CDH20: variants seen among roughly 807,000 people sequenced by gnomAD.
CDH20 encodes cadherin-20.
In CDH20, 29 loss-of-function variants were observed where a neutral mutation model predicts 74.2. That is an observed-to-expected ratio of 0.39 (90% CI 0.29 to 0.53). The LOEUF (loss-of-function observed/expected upper bound fraction) is 0.53, where lower values mean the gene tolerates loss of function less well. CDH20 is among the 20% of genes least tolerant of loss of function. CDH20 has a pLI of 0.69. For missense variants in CDH20, 988 were observed against 1,048.3 expected, an observed-to-expected ratio of 0.94 and a Z score of 0.79; for synonymous variants, 469 against 405.4, an observed-to-expected ratio of 1.16 and a Z score of -1.88.
intron 11 of CDH20, among the ~76,000 whole-genome samples, chr18:61,553,059 C>T (rs542773594): frequency 1.2e-4 from 18 of 152,230 alleles, no homozygotes; most frequent in Non-Finnish European, 1.9e-4. Context: ...GAAAATATTA[C>T]GTATTAATGT....
rs146597367 is a variant in CDH20 at position 61,426,097 on chromosome 18, T to C, written c.-152-64305T>C. On this transcript the variant is annotated intron_variant, in intron 1 of 11. Transcript: ENST00000262717. ...AACTCATTCATTACCTCTCATAGTT[T>C]TGGGGTTTTTTAATGTTAATTCTTT... Among the ~76,000 whole-genome samples the C allele has an allele frequency of 1.6e-3, 242 of 152,264 alleles. 3 individuals carry two copies. The South Asian group carries it at 0.022, about 14-fold the overall frequency.
At chr18:61,535,451 C>T (rs780246067) in intron 7 of CDH20, among the ~76,000 whole-genome samples, 2 of 152,188 alleles carry the variant, frequency 1.3e-5, no homozygotes, top group Non-Finnish European at 2.9e-5. Context: ...TTAACATCCA[C>T]ATGCCTGAGC....
chr18:61,395,951 CCTCT>C (rs1253936195), intron 1 of CDH20, among the ~76,000 whole-genome samples: 1 of 152,094 alleles, frequency 6.6e-6, no homozygotes, highest in Admixed American at 6.6e-5. Context: ...AAACCATCTC[CCTCT>C]GAGACTGTGC....
At position 61,400,528 on chromosome 18, in the gene CDH20, C is replaced by A. The variant is rs544136190; in HGVS notation, c.-153+66701C>A. Reference sequence around the variant, plus strand: ...AAGGGAGATGGAATGTCTATCAAACCTAGATTTAAAGGAAATCCTGCTACC... The same window carrying A: ...AAGGGAGATGGAATGTCTATCAAACATAGATTTAAAGGAAATCCTGCTACC... On this transcript the variant is annotated intron_variant, in intron 1 of 11. Coordinates refer to ENST00000262717, the MANE Select transcript of CDH20 (RefSeq NM_031891.4). Among the ~76,000 whole-genome samples, 51 of 152,198 alleles carry A rather than the reference C, an allele frequency of 3.4e-4. 1 individual carries two copies. In the South Asian group the frequency reaches 0.01, roughly 31 times the overall value.
At chr18:61,417,451 A>C (rs1038406698) in intron 1 of CDH20, among the ~76,000 whole-genome samples, 3 of 152,056 alleles carry the variant, frequency 2.0e-5, no homozygotes, top group Non-Finnish European at 4.4e-5. Context: ...AATAGTATTC[A>C]GTCATTAAAA....
At chr18:61,517,104 A>G (rs1912027917) in intron 6 of CDH20, among the ~76,000 whole-genome samples, 1 of 152,226 alleles carries the variant, frequency 6.6e-6, no homozygotes, top group African/African-American at 2.4e-5. Flanking sequence ...AAAAAACTCA[A>G]AATGAATCAT....
At chr18:61,532,376 T>C (rs1490909718) in intron 7 of CDH20, among the ~76,000 whole-genome samples, 1 of 151,860 alleles carries the variant, frequency 6.6e-6, no homozygotes, top group African/African-American at 2.4e-5. Flanking sequence ...TAAATGATTC[T>C]GATTTCTCTA....
At chr18:61,351,387 C>T (rs1910300833) in intron 1 of CDH20, among the ~76,000 whole-genome samples, 1 of 152,138 alleles carries the variant, frequency 6.6e-6, no homozygotes, top group East Asian at 1.9e-4. Flanking sequence ...CTTGCCTCTC[C>T]CTGAGCAAGT....
intron 1 of CDH20, among the ~76,000 whole-genome samples, chr18:61,474,158 T>C (rs535714105): frequency 1.3e-5 from 2 of 152,286 alleles, no homozygotes; most frequent in African/African-American, 4.8e-5. Flanking sequence ...CATCACTCTC[T>C]ACCGAAAGAA....
At chr18:61,335,340 G>A (rs1909723155) in intron 1 of CDH20, among the ~76,000 whole-genome samples, 1 of 152,204 alleles carries the variant, frequency 6.6e-6, no homozygotes, top group Non-Finnish European at 1.5e-5. Flanking sequence ...GCTTGACCCT[G>A]TTCAGATGTT....
chr18:61,453,593 A>T (rs2144343289), intron 1 of CDH20, among the ~76,000 whole-genome samples: 1 of 152,194 alleles, frequency 6.6e-6, no homozygotes, highest in East Asian at 1.9e-4. Flanking sequence ...TAACCTTTTC[A>T]TATTTGCTTT....
intron 1 of CDH20, among the ~76,000 whole-genome samples, chr18:61,480,072 T>C (rs1910534144): frequency 6.6e-6 from 1 of 152,058 alleles, no homozygotes; most frequent in African/African-American, 2.4e-5. Flanking sequence ...ATAGTGAGGA[T>C]TGGACTAATG....
chr18:61,533,976 G>C (rs1053442534), intron 7 of CDH20, among the ~76,000 whole-genome samples: 1 of 151,986 alleles, frequency 6.6e-6, no homozygotes, highest in Non-Finnish European at 1.5e-5. Context: ...CTATTTAGTT[G>C]GTTGATGTGT....
rs1425529917 is a variant in CDH20 at position 61,441,366 on chromosome 18, T to A, written c.-152-49036T>A. Among the ~76,000 whole-genome samples the A allele has an allele frequency of 2.0e-5, 3 of 152,176 alleles. No individual in the cohort carries two copies. In the East Asian group the frequency reaches 5.8e-4, roughly 29 times the overall value. The stretch of plus-strand genomic sequence containing the variant: ...TACTTTTTAAATTCCCTCCCTATAT[T>A]CATCTTGTAAAGTACTAAGTGAAAC... On this transcript the variant is annotated intron_variant, in intron 1 of 11. Transcript: ENST00000262717.
chr18:61,520,315 C>CAAAAAAAA (rs58685164), intron 6 of CDH20, among the ~76,000 whole-genome samples: 2 of 122,050 alleles, frequency 1.6e-5, no homozygotes, highest in Admixed American at 9.4e-5. Flanking sequence ...GACTCCGTCT[C>CAAAAAAAA]AAAAAAAAAA....
intron 1 of CDH20, among the ~76,000 whole-genome samples, chr18:61,396,745 C>T (rs1911993969): frequency 1.3e-5 from 2 of 152,194 alleles, no homozygotes; most frequent in Admixed American, 1.3e-4. Context: ...TCATTATTCC[C>T]TTTCCATTCT....
chr18:61,535,008 T>C (rs575326842), intron 7 of CDH20, among the ~76,000 whole-genome samples: 3 of 152,246 alleles, frequency 2.0e-5, no homozygotes, highest in Admixed American at 1.3e-4. Flanking sequence ...ATATAATTAT[T>C]ACTTGTCAAT....
chr18:61,345,802 A>C lies in CDH20; in HGVS notation c.-153+11975A>C, dbSNP rs1449136214. Among the ~76,000 whole-genome samples the C allele has an allele frequency of 2.0e-5, 3 of 152,196 alleles. No homozygotes were observed. The East Asian group carries it at 5.8e-4, about 29-fold the overall frequency. ...ATAGAGTGCGAACTAGGAGAGCAGC[A>C]CTTCCATCCTCCACGAGCCACCCAG... On this transcript the variant is annotated intron_variant, in intron 1 of 11. Coordinates refer to ENST00000262717, the MANE Select transcript of CDH20 (RefSeq NM_031891.4).
intron 2 of CDH20, among the ~76,000 whole-genome samples, chr18:61,494,548 T>G (rs1426795731): frequency 2.0e-5 from 3 of 152,230 alleles, no homozygotes; most frequent in Admixed American, 2.0e-4. Flanking sequence ...TACTTTCTTT[T>G]GAAAGGGAAT....
Sources: allele counts gnomAD v4.1 joint callset (sites outside exome capture counted in the v4.1 genomes callset), GRCh38; gene constraint gnomAD v4.1.1; transcripts MANE v1.5; gene names NCBI Gene and HGNC (gene_info 2026-07-23, HGNC 2026-07-21).